Variants in LRRC8C observed in about 807,000 individuals in gnomAD.
LRRC8C encodes the protein leucine rich repeat containing 8 VRAC subunit C.
A neutral mutation model predicts 55.3 loss-of-function variants in LRRC8C; 20 were observed. That is an observed-to-expected ratio of 0.36 (90% CI 0.25 to 0.53). The LOEUF is 0.53. LRRC8C is among the 20% of genes least tolerant of loss of function. LRRC8C has a pLI of 0.92. For synonymous variants in LRRC8C, 376 were observed against 360.7 expected, an observed-to-expected ratio of 1.04 and a Z score of -0.48; for missense variants, 659 against 951.4, an observed-to-expected ratio of 0.69 and a Z score of 4.04.
the LRRC8C span, among the ~76,000 whole-genome samples, chr1:89,623,101 A>T: frequency 6.6e-6 from 1 of 151,870 alleles, no homozygotes; most frequent in African/African-American, 2.4e-5. Context: ...AGTTCATCTT[A>T]TCTGAACCCT....
At chr1:89,704,547 T>TA (rs1658418505) in intron 2 of LRRC8C, among the ~76,000 whole-genome samples, 1 of 152,104 alleles carries the variant, frequency 6.6e-6, no homozygotes, top group Non-Finnish European at 1.5e-5. Flanking sequence ...AATGCACAGA[T>TA]ACAGATCTGG....
At chr1:89,644,109 C>T (rs926180255) in intron 1 of LRRC8C, among the ~76,000 whole-genome samples, 2 of 152,226 alleles carry the variant, frequency 1.3e-5, no homozygotes, top group African/African-American at 4.8e-5. Context: ...AGCTTTCTAT[C>T]AATTAACTCT....
chr1:89,677,423 G>T lies in LRRC8C; in HGVS notation c.-4-9047G>T, dbSNP rs116514310. Among the ~76,000 whole-genome samples the T allele has an allele frequency of 2.6e-5, 4 of 152,180 alleles. No individual in the cohort carries two copies. The South Asian group carries it at 8.3e-4, about 32-fold the overall frequency. On this transcript the variant is annotated intron_variant, in intron 1 of 2. Transcript: ENST00000370454. ...GAATCATTTAAATGTGTTAATGTTC[G>T]TTTATTTTTTCTTTTATATTGTCAA...
chr1:89,695,335 A>T (rs953268516), intron 2 of LRRC8C, among the ~76,000 whole-genome samples: 2 of 152,224 alleles, frequency 1.3e-5, no homozygotes, highest in Non-Finnish European at 1.5e-5. Flanking sequence ...AGGGTCAGCT[A>T]TCTTAAAATA....
intron 2 of LRRC8C, among the ~76,000 whole-genome samples, chr1:89,694,256 G>C (rs1007954295): frequency 1.3e-5 from 2 of 151,892 alleles, no homozygotes; most frequent in Non-Finnish European, 2.9e-5. Context: ...ATTTTATGTG[G>C]ACTGAATTCC....
intron 1 of LRRC8C, among the ~76,000 whole-genome samples, chr1:89,674,688 C>T (rs1328430597): frequency 6.6e-6 from 1 of 152,148 alleles, no homozygotes; most frequent in South Asian, 2.1e-4. Flanking sequence ...CAATCAACAG[C>T]TGGCATGAGA....
chr1:89,661,369 G>A (rs1052851356), intron 1 of LRRC8C: 3 of 335,714 alleles, frequency 8.9e-6, no homozygotes, highest in Non-Finnish European at 1.8e-5. Flanking sequence ...GAGATACAGT[G>A]CTGCTCCAGT....
At chr1:89,684,649 AAAG>A (rs1657820259) in intron 1 of LRRC8C, among the ~76,000 whole-genome samples, 1 of 152,242 alleles carries the variant, frequency 6.6e-6, no homozygotes, top group Non-Finnish European at 1.5e-5. Context: ...ACTGAGAAAA[AAAG>A]AGGCCATAAA....
chr1:89,624,173 A>G, the LRRC8C span, among the ~76,000 whole-genome samples: 1 of 152,204 alleles, frequency 6.6e-6, no homozygotes, highest in East Asian at 1.9e-4. Context: ...AGCAGTAAGT[A>G]TGCTTCCCGT....
chr1:89,641,492 CT>C (rs1656453689), intron 1 of LRRC8C, among the ~76,000 whole-genome samples: 4 of 152,084 alleles, frequency 2.6e-5, no homozygotes, highest in Admixed American at 2.6e-4. Flanking sequence ...ATATGTGTTT[CT>C]TCATAGAAGG....
In LRRC8C at chr1:89,714,626, C is replaced by T. The variant is rs1414731638; in HGVS notation, c.2056C>T (p.Arg686Ter). 4 of 1,613,978 alleles carry T rather than the reference C, an allele frequency of 2.5e-6. No individual in the cohort carries two copies. The highest frequency in any genetic ancestry group is 2.2e-5 in the East Asian group (1 of 44,886). Reference sequence around the variant, plus strand: ...CCACCTCTTCCTATGCAACAAGATCCGATACTTGGACTTATCGTACAATGA... The same window carrying T: ...CCACCTCTTCCTATGCAACAAGATCTGATACTTGGACTTATCGTACAATGA... ...PSHLFLCNKI[R>*]YLDLSYNDIR... is the part of the protein sequence containing the mutation. The change falls in exon 3 of 3, where the codon CGA becomes TGA. Residue 686 changes from arginine to a stop codon, truncating the protein, a stop_gained. Coordinates refer to ENST00000370454, the MANE Select transcript of LRRC8C (RefSeq NM_032270.5). LOFTEE classifies it high-confidence loss of function. This position sits in a 1 kb window ranked among gnomAD's most constrained non-coding sequence, Gnocchi z 4.6.
chr1:89,676,834 G>GT (rs1557657804), intron 1 of LRRC8C, among the ~76,000 whole-genome samples: 2 of 152,116 alleles, frequency 1.3e-5, no homozygotes, highest in African/African-American at 4.8e-5. Flanking sequence ...ATATTCTCCC[G>GT]TGAGTGTATA....
chr1:89,683,989 A>G (rs1419344640), intron 1 of LRRC8C, among the ~76,000 whole-genome samples: 1 of 152,154 alleles, frequency 6.6e-6, no homozygotes, highest in Non-Finnish European at 1.5e-5. Flanking sequence ...AAAATTTAGA[A>G]CAATTTCATT....
chr1:89,627,207 C>G, the LRRC8C span, among the ~76,000 whole-genome samples: 1 of 151,934 alleles, frequency 6.6e-6, no homozygotes, highest in Admixed American at 6.6e-5. Flanking sequence ...TCCTATAGCT[C>G]TAATCACTGA....
intron 2 of LRRC8C, among the ~76,000 whole-genome samples, chr1:89,699,523 A>T (rs1193179675): frequency 6.6e-6 from 1 of 152,220 alleles, no homozygotes; most frequent in Non-Finnish European, 1.5e-5. Context: ...TTTTGCTGTG[A>T]ACCTAAAGCT....
intron 1 of LRRC8C, among the ~76,000 whole-genome samples, chr1:89,648,185 TATAA>T (rs1656665727): frequency 1.3e-5 from 2 of 152,248 alleles, no homozygotes; most frequent in Admixed American, 1.3e-4. Flanking sequence ...AAAACTATTG[TATAA>T]GTATTTTGCC....
the LRRC8C span, among the ~76,000 whole-genome samples, chr1:89,621,188 C>T: frequency 2.1e-4 from 32 of 151,528 alleles, no homozygotes; most frequent in East Asian, 4.1e-3. Flanking sequence ...TGGCCAGGCG[C>T]GGTGGCTCAC....
chr1:89,637,064 C>T (rs1656309285), intron 1 of LRRC8C, among the ~76,000 whole-genome samples: 1 of 152,076 alleles, frequency 6.6e-6, no homozygotes, highest in African/African-American at 2.4e-5. Context: ...TCAACCGAGG[C>T]TTCTCGACTG....
rs1570682153 is a variant in LRRC8C at position 89,633,211 on chromosome 1, T to A, written c.-116T>A. 1 of 152,264 alleles carries A rather than the reference T, an allele frequency of 6.6e-6. No homozygotes were observed. Among genetic ancestry groups the A allele is most frequent in the African/African-American group, 2.4e-5 (1 of 41,390 alleles). The allele number at this position is 152,264 out of a possible 1,614,324, so 9.4% of individuals were successfully genotyped here. A position where few individuals can be genotyped will look rare whatever the true frequency, so the allele number is the denominator to read the frequency against. On this transcript the variant is annotated 5_prime_UTR_variant, in exon 1 of 3. It removes an upstream start codon present in the reference 5' UTR. Coordinates refer to ENST00000370454, the MANE Select transcript of LRRC8C (RefSeq NM_032270.5). Reference sequence around the variant, plus strand: ...CGCAGTGCTCGGGCGCGACAAGCCATGAGCAGCGACCCCGCGGGCGACGCC... The same window carrying A: ...CGCAGTGCTCGGGCGCGACAAGCCAAGAGCAGCGACCCCGCGGGCGACGCC...
Sources: allele counts gnomAD v4.1 joint callset (sites outside exome capture counted in the v4.1 genomes callset), GRCh38; gene constraint gnomAD v4.1.1; non-coding constraint Gnocchi (gnomAD v3.1); transcripts MANE v1.5; gene names NCBI Gene and HGNC (gene_info 2026-07-23, HGNC 2026-07-21).